The following CDYL2 variants were observed in gnomAD, a reference collection of about 807,000 sequenced individuals.
CDYL2 encodes chromodomain Y like 2.
Under a neutral mutation model 49.4 loss-of-function variants are expected in CDYL2, and 23 were observed. That is an observed-to-expected ratio of 0.47 (90% confidence interval 0.34 to 0.66). The LOEUF is 0.66. CDYL2 is among the 30% of genes least tolerant of loss of function. CDYL2 has a pLI of 0.01. For synonymous variants in CDYL2, 360 were observed against 268.8 expected (o/e 1.34, Z -3.32); for missense variants, 678 against 656.4 (o/e 1.03, Z -0.36).
intron 1 of CDYL2, among the ~76,000 whole-genome samples, chr16:80,723,047 C>A (rs747435341): frequency 6.6e-6 from 1 of 152,242 alleles, no homozygotes; most frequent in Non-Finnish European, 1.5e-5. Flanking sequence ...AGCCTCTGAA[C>A]TGCCACACTC....
chr16:80,659,814 A>C (rs185786952), intron 2 of CDYL2, among the ~76,000 whole-genome samples: 1 of 152,250 alleles, frequency 6.6e-6, no homozygotes, highest in Admixed American at 6.5e-5. Context: ...AACTCTAAGA[A>C]AAGAATAGCT....
At chr16:80,693,103 C>A (rs1910482043) in intron 1 of CDYL2, among the ~76,000 whole-genome samples, 1 of 119,274 alleles carries the variant, frequency 8.4e-6, no homozygotes, top group South Asian at 2.6e-4. Flanking sequence ...TGATCGAAGC[C>A]AGATCAGTGG....
At chr16:80,691,813 C>G (rs1910427000) in intron 1 of CDYL2, among the ~76,000 whole-genome samples, 1 of 151,778 alleles carries the variant, frequency 6.6e-6, no homozygotes, top group South Asian at 2.1e-4. Context: ...ATGAAACCAA[C>G]AGGTTGAGAA....
chr16:80,694,346 G>A (rs1197701513), intron 1 of CDYL2, among the ~76,000 whole-genome samples: 1 of 152,226 alleles, frequency 6.6e-6, no homozygotes, highest in Non-Finnish European at 1.5e-5. Context: ...TCCATAACCA[G>A]GGGGTTAGGA....
Position 80,608,152 on chromosome 16 carries a change from G to T in CDYL2, c.1302C>A (p.Pro434=). The change falls in exon 6 of 7, where the codon CCC becomes CCA. Residue 434 remains proline, a synonymous_variant. Transcript: ENST00000570137. ...SRGLVSQVFW[P]TTFSQEVMLR... is the part of the protein sequence containing the mutation. The stretch of plus-strand genomic sequence containing the variant: ...GCATGACCTCCTGGCTGAACGTGGT[G>T]GGCCAGAAGACCTGCGACACCAGCC... 1 of 1,605,618 alleles carries T rather than the reference G, an allele frequency of 6.2e-7. No individual in the cohort carries two copies. Among genetic ancestry groups the T allele is most frequent in the Non-Finnish European group, 8.5e-7 (1 of 1,176,290 alleles).
intron 4 of CDYL2, among the ~76,000 whole-genome samples, chr16:80,617,345 AAAC>A (rs1906877129): frequency 6.6e-6 from 1 of 152,328 alleles, no homozygotes; most frequent in Non-Finnish European, 1.5e-5. Flanking sequence ...TTCTATGTCC[AAAC>A]AACGTTTTAG....
At chr16:80,729,853 T>C (rs1428508064) in intron 1 of CDYL2, among the ~76,000 whole-genome samples, 1 of 152,066 alleles carries the variant, frequency 6.6e-6, no homozygotes, top group Non-Finnish European at 1.5e-5. Context: ...AAATGACTAC[T>C]GGGTGCATAA....
At chr16:80,779,909 T>C (rs753465161) in intron 1 of CDYL2, among the ~76,000 whole-genome samples, 32 of 152,174 alleles carry the variant, frequency 2.1e-4, no homozygotes, top group Non-Finnish European at 4.4e-4. Flanking sequence ...AAATTTTTGA[T>C]AGTGAACATG....
chr16:80,619,727 T>C (rs1169270776), intron 4 of CDYL2, among the ~76,000 whole-genome samples: 2 of 152,216 alleles, frequency 1.3e-5, no homozygotes, highest in Non-Finnish European at 2.9e-5. Flanking sequence ...TCATGTCTCT[T>C]CTGGCAAGGA....
At chr16:80,625,902 G>A (rs1347669634) in intron 3 of CDYL2, among the ~76,000 whole-genome samples, 2 of 152,096 alleles carry the variant, frequency 1.3e-5, no homozygotes, top group Non-Finnish European at 2.9e-5. Flanking sequence ...GTCAAAGAAT[G>A]TTTACCATTT....
At chr16:80,680,458 G>A (rs184459033) in intron 2 of CDYL2, among the ~76,000 whole-genome samples, 7 of 152,234 alleles carry the variant, frequency 4.6e-5, no homozygotes, top group East Asian at 1.9e-4. Flanking sequence ...AGTTAGGGAC[G>A]TTTCACAGAG....
chr16:80,615,116 C>T (rs1408448200), intron 4 of CDYL2, among the ~76,000 whole-genome samples: 1 of 152,152 alleles, frequency 6.6e-6, no homozygotes, highest in Non-Finnish European at 1.5e-5. Context: ...GTGGAGTTAG[C>T]TCTCAGTCCC....
chr16:80,723,535 C>T (rs528549418), intron 1 of CDYL2, among the ~76,000 whole-genome samples: 64 of 152,286 alleles, frequency 4.2e-4, no homozygotes, highest in African/African-American at 1.2e-3. Flanking sequence ...GTGAGACTGA[C>T]CCCATGCCCC....
chr16:80,774,938 A>T (rs1443867792), intron 1 of CDYL2, among the ~76,000 whole-genome samples: 1 of 151,920 alleles, frequency 6.6e-6, no homozygotes, highest in Non-Finnish European at 1.5e-5. Flanking sequence ...AGTAGGACTT[A>T]CTCTAAGACA....
chr16:80,694,959 C>A (rs1441513232), intron 1 of CDYL2, among the ~76,000 whole-genome samples: 1 of 152,208 alleles, frequency 6.6e-6, no homozygotes, highest in Non-Finnish European at 1.5e-5. Context: ...ATCTGAGTAA[C>A]AGAACAAAAT....
At position 80,612,702 on chromosome 16, in the gene CDYL2, G is replaced by A. The variant is rs1209548609; in HGVS notation, c.1142C>T (p.Thr381Met). 8.1e-6 allele frequency: 13 copies of A among 1,613,428 alleles called. No homozygotes were observed. In the South Asian group the frequency reaches 8.8e-5, roughly 11 times the overall value. Residue 381 changes from threonine (T) to methionine (M), a missense_variant, in exon 5 of 7, where the codon ACG (threonine) becomes ATG (methionine). Coordinates refer to ENST00000570137, the MANE Select transcript of CDYL2 (RefSeq NM_152342.4). This position sits in a 1 kb window ranked among gnomAD's most constrained non-coding sequence, Gnocchi z 5.0. ...VWASEKAWFQ[T>M]PYATIRLTPA... ...CGTGAGGCGGATGGTGGCGTAGGGCGTCTGGAACCAGGCCTTCTCACTGGC... is the reference window on the plus strand; with the variant it reads ...CGTGAGGCGGATGGTGGCGTAGGGCATCTGGAACCAGGCCTTCTCACTGGC...
intron 3 of CDYL2, 50 bp from the exon 4 acceptor site, chr16:80,620,985 C>A (rs1347231868): frequency 3.4e-6 from 5 of 1,488,740 alleles, no homozygotes; most frequent in Admixed American, 2.2e-5. Flanking sequence ...ATCCTGTAAG[C>A]CTGGGGCTTT....
At chr16:80,721,263 C>T (rs760932257) in intron 1 of CDYL2, among the ~76,000 whole-genome samples, 2 of 152,182 alleles carry the variant, frequency 1.3e-5, no homozygotes, top group African/African-American at 4.8e-5. Context: ...ATTTAATCCT[C>T]CCAACAGTCC....
chr16:80,766,015 C>T (rs1471280262), intron 1 of CDYL2, among the ~76,000 whole-genome samples: 1 of 151,180 alleles, frequency 6.6e-6, no homozygotes, highest in Non-Finnish European at 1.5e-5. Flanking sequence ...CTACATGAAA[C>T]ATCCAGAATA....
Sources: allele counts gnomAD v4.1 joint callset (sites outside exome capture counted in the v4.1 genomes callset), GRCh38; gene constraint gnomAD v4.1.1; non-coding constraint Gnocchi (gnomAD v3.1); transcripts MANE v1.5; gene names NCBI Gene and HGNC (gene_info 2026-07-23, HGNC 2026-07-21).